The following CFAP95 variants were observed in gnomAD, a reference collection of about 807,000 sequenced individuals.
CFAP95 encodes cilia and flagella associated protein 95, also known as cilia- and flagella-associated protein 95.
At chr9:69,894,317 T>G in the CFAP95 span, among the ~76,000 whole-genome samples, 1 of 152,160 alleles carries the variant, frequency 6.6e-6, no homozygotes, top group African/African-American at 2.4e-5. Flanking sequence ...TATAACTCCA[T>G]AGAACTTCCA....
the CFAP95 span, among the ~76,000 whole-genome samples, chr9:69,888,660 G>A: frequency 2.6e-5 from 4 of 152,166 alleles, no homozygotes; most frequent in African/African-American, 9.6e-5. Flanking sequence ...TGGATCACTT[G>A]AGGTCAGACA....
At chr9:69,826,272 G>A in the CFAP95 span, among the ~76,000 whole-genome samples, 1 of 152,094 alleles carries the variant, frequency 6.6e-6, no homozygotes, top group African/African-American at 2.4e-5. Flanking sequence ...AAGACACTAG[G>A]ATATCATGAG....
the CFAP95 span, among the ~76,000 whole-genome samples, chr9:69,880,207 C>T: frequency 5.9e-5 from 9 of 152,100 alleles, no homozygotes; most frequent in Non-Finnish European, 1.0e-4. Context: ...ATAGTCCCCA[C>T]GTTGTGCTAT....
chr9:69,894,601 TG>T, the CFAP95 span, among the ~76,000 whole-genome samples: 1 of 152,332 alleles, frequency 6.6e-6, no homozygotes, highest in East Asian at 1.9e-4. Flanking sequence ...AATTACATAC[TG>T]AGGAATCTGT....
chr9:69,855,433 A>AT, the CFAP95 span, among the ~76,000 whole-genome samples: 59 of 152,186 alleles, frequency 3.9e-4, no homozygotes, highest in African/African-American at 1.4e-3. Flanking sequence ...GTGGCTACTA[A>AT]TTTTTTCTCA....
chr9:69,872,668 T>G, the CFAP95 span, among the ~76,000 whole-genome samples: 5 of 152,140 alleles, frequency 3.3e-5, no homozygotes. Flanking sequence ...ACCCACTAGC[T>G]TCTTAGAAAT....
chr9:69,830,247 C>T, the CFAP95 span, among the ~76,000 whole-genome samples: 10 of 152,216 alleles, frequency 6.6e-5, no homozygotes, highest in African/African-American at 2.2e-4. Flanking sequence ...TATGTCTTTC[C>T]CTGGACCAAG....
chr9:69,895,597 T>C, the CFAP95 span, among the ~76,000 whole-genome samples: 1 of 152,240 alleles, frequency 6.6e-6, no homozygotes, highest in South Asian at 2.1e-4. Context: ...TCAAACTTAG[T>C]TGAAAATTAA....
the CFAP95 span, among the ~76,000 whole-genome samples, chr9:69,883,594 C>T: frequency 2.0e-5 from 3 of 152,120 alleles, no homozygotes; most frequent in Non-Finnish European, 4.4e-5. Flanking sequence ...TTTTGGATTT[C>T]CTCATGGTTC....
the CFAP95 span, among the ~76,000 whole-genome samples, chr9:69,862,072 C>T: frequency 6.6e-6 from 1 of 152,168 alleles, no homozygotes; most frequent in African/African-American, 2.4e-5. Flanking sequence ...GAAAGACTAT[C>T]ACAATTCTGT....
chr9:69,849,972 G>A, the CFAP95 span, among the ~76,000 whole-genome samples: 1 of 152,156 alleles, frequency 6.6e-6, no homozygotes, highest in Non-Finnish European at 1.5e-5. Flanking sequence ...TCAAGAGTAT[G>A]TCTATCATCA....
At chr9:69,879,073 G>A in the CFAP95 span, among the ~76,000 whole-genome samples, 3 of 152,112 alleles carry the variant, frequency 2.0e-5, no homozygotes, top group Non-Finnish European at 4.4e-5. Context: ...CCTCCCCCCA[G>A]GCCTCACCTC....
the CFAP95 span, among the ~76,000 whole-genome samples, chr9:69,841,512 A>G: frequency 6.6e-6 from 1 of 152,140 alleles, no homozygotes; most frequent in Admixed American, 6.6e-5. Context: ...ATTCATGGAC[A>G]CAAATAGGAG....
chr9:69,853,440 A>G, the CFAP95 span, among the ~76,000 whole-genome samples: 2 of 152,084 alleles, frequency 1.3e-5, no homozygotes, highest in Non-Finnish European at 2.9e-5. Context: ...CTATATTATA[A>G]TTTTCTCAAG....
At chr9:69,859,820 A>G in the CFAP95 span, among the ~76,000 whole-genome samples, 3 of 152,370 alleles carry the variant, frequency 2.0e-5, no homozygotes, top group East Asian at 5.8e-4. Flanking sequence ...CATTGCTCCT[A>G]GACTATCAAC....
At chr9:69,858,128 C>T in the CFAP95 span, 1 of 631,134 alleles carries the variant, frequency 1.6e-6, no homozygotes, top group African/African-American at 1.8e-5. Flanking sequence ...AATGTTTTCT[C>T]CTTTCACATG....
At chr9:69,825,664 T>C in the CFAP95 span, among the ~76,000 whole-genome samples, 4 of 152,242 alleles carry the variant, frequency 2.6e-5, no homozygotes, top group South Asian at 8.3e-4. Flanking sequence ...TAAGGGGAAA[T>C]ATTTTCTGTT....
the CFAP95 span, chr9:69,884,978 G>C: frequency 6.6e-6 from 1 of 152,108 alleles, no homozygotes; most frequent in Non-Finnish European, 1.5e-5. Context: ...GATATGTATT[G>C]CTGGGTCCCA....
the CFAP95 span, among the ~76,000 whole-genome samples, chr9:69,831,912 A>T: frequency 2.0e-5 from 3 of 152,234 alleles, no homozygotes; most frequent in Non-Finnish European, 4.4e-5. Flanking sequence ...GCATCTTAAC[A>T]ACATTTATCC....
Sources: allele counts gnomAD v4.1 joint callset (sites outside exome capture counted in the v4.1 genomes callset), GRCh38; gene constraint gnomAD v4.1.1; transcripts MANE v1.5; gene names NCBI Gene and HGNC (gene_info 2026-07-23, HGNC 2026-07-21).